Variants in SDCCAG8 observed in about 807,000 individuals in gnomAD.
SDCCAG8 encodes the protein serologically defined colon cancer antigen 8.
In SDCCAG8, 74 loss-of-function variants were observed where a neutral mutation model predicts 101.8. The observed-to-expected ratio is 0.73, with a 90% CI of 0.60 to 0.88. SDCCAG8 has a LOEUF of 0.88. Ranked by LOEUF, SDCCAG8 falls within the 40% of genes least tolerant of loss-of-function variation. The probability of loss-of-function intolerance (pLI) is 0.00; values close to 1 mark genes in which losing one functional copy is unlikely to be tolerated. For synonymous variants in SDCCAG8, 281 were observed against 292.9 expected (o/e 0.96, Z 0.41); for missense variants, 787 against 822.6 (o/e 0.96, Z 0.53).
chr1:243,404,701 G>A (rs551099060), intron 13 of SDCCAG8, among the ~76,000 whole-genome samples: 12 of 152,084 alleles, frequency 7.9e-5, no homozygotes, highest in Non-Finnish European at 1.5e-4. Context: ...GACTACAGTG[G>A]TCTTGTTGCC....
chr1:243,380,346 T>C lies in SDCCAG8; in HGVS notation c.1616+1483T>C, dbSNP rs114469098. On this transcript the variant is annotated intron_variant, in intron 13 of 17. Coordinates refer to ENST00000366541, the MANE Select transcript of SDCCAG8 (RefSeq NM_006642.5). ...ATGGTAATGTTAATAGTTTTTCTTT[T>C]CTGTCAGACTTCTATTCAGAACCAA... Among the ~76,000 whole-genome samples the C allele has an allele frequency of 5.8e-3, 878 of 152,344 alleles. 15 individuals are homozygous for C. Among genetic ancestry groups the C allele is most frequent in the African/African-American group, 0.019 (803 of 41,578 alleles).
At chr1:243,463,751 G>A (rs1382245296) in intron 16 of SDCCAG8, among the ~76,000 whole-genome samples, 1 of 152,180 alleles carries the variant, frequency 6.6e-6, no homozygotes, top group Non-Finnish European at 1.5e-5. Flanking sequence ...CCCTGTCTTT[G>A]TGATGAGTCC....
intron 1 of SDCCAG8, among the ~76,000 whole-genome samples, chr1:243,263,639 T>A (rs1327414110): frequency 6.6e-6 from 1 of 152,230 alleles, no homozygotes; most frequent in South Asian, 2.1e-4. Context: ...ATATCTTTAA[T>A]GGTCTTCCAG....
intron 16 of SDCCAG8, among the ~76,000 whole-genome samples, chr1:243,481,373 G>C (rs528737809): frequency 2.0e-5 from 3 of 152,140 alleles, no homozygotes; most frequent in Admixed American, 2.0e-4. Flanking sequence ...CCTTGTGTGC[G>C]CTTGGGCAAA....
intron 17 of SDCCAG8, among the ~76,000 whole-genome samples, chr1:243,498,925 C>A (rs1325416366): frequency 6.6e-6 from 1 of 152,226 alleles, no homozygotes; most frequent in Non-Finnish European, 1.5e-5. Flanking sequence ...AAATACCATC[C>A]TGGCTTTTCT....
intron 13 of SDCCAG8, among the ~76,000 whole-genome samples, chr1:243,386,427 C>T (rs930971600): frequency 2.0e-5 from 3 of 152,112 alleles, no homozygotes; most frequent in Admixed American, 1.3e-4. Flanking sequence ...TCCGGCCGGG[C>T]GCGGTGGCTC....
chr1:243,307,963 C>G, intron 7 of SDCCAG8, 26 bp from the exon 8 acceptor site: 1 of 1,612,054 alleles, frequency 6.2e-7, no homozygotes, highest in Non-Finnish European at 8.5e-7. Flanking sequence ...TGGCCATTTT[C>G]TAGAATTTTT....
intron 16 of SDCCAG8, among the ~76,000 whole-genome samples, chr1:243,485,586 G>A (rs1239481202): frequency 6.6e-6 from 1 of 152,142 alleles, no homozygotes. Flanking sequence ...TGCAGGGTTG[G>A]AGGCTTTTCC....
At chr1:243,383,316 C>T (rs539880744) in intron 13 of SDCCAG8, among the ~76,000 whole-genome samples, 3 of 152,328 alleles carry the variant, frequency 2.0e-5, no homozygotes, top group Non-Finnish European at 1.5e-5. Context: ...TAGGCATTCA[C>T]TCCAGGCATT....
In SDCCAG8 at chr1:243,398,045, T is replaced by C. The variant is rs531674754; in HGVS notation, c.1617-17657T>C. On this transcript the variant is annotated intron_variant, in intron 13 of 17. Coordinates refer to ENST00000366541, the MANE Select transcript of SDCCAG8 (RefSeq NM_006642.5). ...AATAGAGGAGGAGCTATTAAGAAGC[T>C]ATCACCGGGAAAAATGATGACAATG... Among the ~76,000 whole-genome samples, 38 of 152,326 alleles carry C rather than the reference T, an allele frequency of 2.5e-4. No homozygotes were observed. In the South Asian group the frequency reaches 7.9e-3, roughly 32 times the overall value.
At chr1:243,484,287 C>T (rs1664342213) in intron 16 of SDCCAG8, among the ~76,000 whole-genome samples, 1 of 152,250 alleles carries the variant, frequency 6.6e-6, no homozygotes, top group Non-Finnish European at 1.5e-5. Context: ...TTGCAGTTTC[C>T]AGACACGCAT....
chr1:243,466,909 G>A (rs1660265575), intron 16 of SDCCAG8, among the ~76,000 whole-genome samples: 1 of 152,246 alleles, frequency 6.6e-6, no homozygotes, highest in African/African-American at 2.4e-5. Context: ...AATTGACAGT[G>A]TCTCCCACTG....
chr1:243,379,673 C>G (rs2077822173), intron 13 of SDCCAG8, among the ~76,000 whole-genome samples: 1 of 152,160 alleles, frequency 6.6e-6, no homozygotes, highest in South Asian at 2.1e-4. Context: ...TTGCAGTGTT[C>G]ACATCAAGCC....
intron 5 of SDCCAG8, among the ~76,000 whole-genome samples, chr1:243,288,703 C>T (rs936852422): frequency 2.6e-5 from 4 of 151,942 alleles, no homozygotes; most frequent in Admixed American, 1.3e-4. Context: ...TTTCATAATG[C>T]CTTTTAAGAA....
chr1:243,340,342 AC>A (rs2075311517), intron 10 of SDCCAG8, among the ~76,000 whole-genome samples: 2 of 152,202 alleles, frequency 1.3e-5, no homozygotes, highest in Non-Finnish European at 2.9e-5. Flanking sequence ...GACACAGGCT[AC>A]AAACAACAGG....
rs764659278 is a variant in SDCCAG8, at chr1:243,273,446, C to G, written c.307-1097C>G. 3.3e-5 allele frequency among the ~76,000 whole-genome samples: 5 copies of G among 152,100 alleles called. No homozygotes were observed. The South Asian group carries it at 6.2e-4, about 19-fold the overall frequency. ...TAAGCTATACATTAACAGTCAGTTC[C>G]AGGAATGCTACAGAGCTAAAATAGC... is the stretch of plus-strand genomic sequence containing the variant. On this transcript the variant is annotated intron_variant, in intron 3 of 17. Transcript: ENST00000366541.
intron 16 of SDCCAG8, among the ~76,000 whole-genome samples, chr1:243,467,718 A>G (rs1660422769): frequency 6.6e-6 from 1 of 152,238 alleles, no homozygotes; most frequent in Admixed American, 6.5e-5. Context: ...TAGTTATGTT[A>G]AATCAGATTC....
chr1:243,393,558 G>T (rs2078851530), intron 13 of SDCCAG8, among the ~76,000 whole-genome samples: 1 of 151,828 alleles, frequency 6.6e-6, no homozygotes, highest in Admixed American at 6.6e-5. Context: ...GTGGGCATTG[G>T]GATAGTGACT....
At chr1:243,315,737 A>G (rs2073175304) in intron 8 of SDCCAG8, among the ~76,000 whole-genome samples, 1 of 152,232 alleles carries the variant, frequency 6.6e-6, no homozygotes, top group African/African-American at 2.4e-5. Flanking sequence ...AATTAAAAAA[A>G]AATCATAGTT....
Sources: gnomAD v4.1 joint callset for allele counts (sites outside exome capture counted in the v4.1 genomes callset) on GRCh38, gnomAD v4.1.1 for gene constraint, MANE v1.5 for transcripts, NCBI Gene and HGNC (gene_info 2026-07-23, HGNC 2026-07-21) for gene names.